Variants in YY1 observed in about 807,000 individuals in gnomAD.
The protein encoded by YY1 is transcriptional repressor protein YY1.
Under a neutral mutation model 35.6 loss-of-function variants are expected in YY1, and 2 were observed. The ratio of observed to expected loss-of-function variants is 0.06; its 90% confidence interval spans 0.02 to 0.18. The LOEUF (loss-of-function observed/expected upper bound fraction) is 0.18. YY1 is among the 10% of genes least tolerant of loss of function. The pLI is 1.00. For synonymous variants in YY1, 268 were observed against 238.9 expected, an observed-to-expected ratio of 1.12 and a Z score of -1.12; for missense variants, 322 against 573.4, an observed-to-expected ratio of 0.56 and a Z score of 4.48.
At chr14:100,256,437 T>C (rs1891007579) in intron 1 of YY1, among the ~76,000 whole-genome samples, 1 of 152,194 alleles carries the variant, frequency 6.6e-6, no homozygotes, top group African/African-American at 2.4e-5. Flanking sequence ...ATCTGATTAA[T>C]TATCTAGCCA....
intron 2 of YY1, among the ~76,000 whole-genome samples, chr14:100,271,262 T>A (rs12323522): frequency 0.6 from 91,053 of 151,956 alleles, 27,646 homozygotes; most frequent in South Asian, 0.79. Context: ...ATAAATAAAT[T>A]AATTAAATTA....
In YY1 at chr14:100,277,119, A is replaced by G; in HGVS notation, c.1063-299A>G. Reference sequence around the variant, plus strand: ...TTTGACAACTGACACCAGAACCCTTAATCATTTGTATTTTACTGTTGGAAA... The same window carrying G: ...TTTGACAACTGACACCAGAACCCTTGATCATTTGTATTTTACTGTTGGAAA... On this transcript the variant is annotated intron_variant, in intron 4 of 4. Transcript: ENST00000262238. This position sits in a 1 kb window ranked among gnomAD's most constrained non-coding sequence, Gnocchi z 5.6. 2.0e-6 allele frequency: 1 copy of G among 495,806 alleles called. No individual in the cohort carries two copies. The highest frequency in any genetic ancestry group is 3.7e-5 in the East Asian group (1 of 27,256). 30.7% of individuals were successfully genotyped at this position (495,806 alleles called of 1,614,324 possible). A position where few individuals can be genotyped will look rare whatever the true frequency, so the allele number is the denominator to read the frequency against.
chr14:100,254,107 A>G (rs1176613303), intron 1 of YY1, among the ~76,000 whole-genome samples: 1 of 152,144 alleles, frequency 6.6e-6, no homozygotes, highest in African/African-American at 2.4e-5. Flanking sequence ...AAGTGCTGGG[A>G]TTATAGGCGT....
At chr14:100,240,119 G>C (rs868598302) in intron 1 of YY1, among the ~76,000 whole-genome samples, 196 bp downstream of exon 1, 32 of 146,212 alleles carry the variant, frequency 2.2e-4, no homozygotes, top group Non-Finnish European at 4.0e-4. Context: ...CAGGCCGCGG[G>C]GGGGAGGGGC....
rs1301988481 is a variant in YY1, at chr14:100,239,628, G to A, written c.384G>A (p.Glu128=). The A allele has an allele frequency of 6.2e-6, 10 of 1,611,766 alleles. No homozygotes were observed. Among genetic ancestry groups the A allele is most frequent in the Admixed American group, 1.7e-5 (1 of 59,972 alleles). ...SDGLRAEDGF[E]DQILIPVPAP... is the part of the protein sequence containing the mutation. ...GGCTGCGCGCCGAGGACGGCTTCGA[G>A]GATCAGATTCTCATCCCGGTGCCCG... Residue 128 remains glutamate, a synonymous_variant, in exon 1 of 5, where the codon GAG becomes GAA. Transcript: ENST00000262238.
At chr14:100,275,274 A>G (rs1247975585) in intron 3 of YY1, among the ~76,000 whole-genome samples, 2 of 152,238 alleles carry the variant, frequency 1.3e-5, no homozygotes, top group Non-Finnish European at 2.9e-5. Flanking sequence ...TTAATTGGAT[A>G]TGAGACTAAC....
intron 2 of YY1, among the ~76,000 whole-genome samples, chr14:100,272,033 G>C (rs184763150): frequency 3.9e-5 from 6 of 152,110 alleles, no homozygotes; most frequent in African/African-American, 1.2e-4. Flanking sequence ...GGTTGGGAAG[G>C]GGGAGGACAC....
chr14:100,266,176 G>A (rs968444968), intron 2 of YY1, among the ~76,000 whole-genome samples: 6 of 151,980 alleles, frequency 3.9e-5, no homozygotes, highest in African/African-American at 9.7e-5. Context: ...ACCTCCCCCC[G>A]GGTCCCACCT....
chr14:100,251,668 T>C (rs1890926718), intron 1 of YY1, among the ~76,000 whole-genome samples: 1 of 152,220 alleles, frequency 6.6e-6, no homozygotes, highest in South Asian at 2.1e-4. Flanking sequence ...CACTACTCAA[T>C]TTCCCAGACA....
chr14:100,244,540 C>T (rs1890801848), intron 1 of YY1, among the ~76,000 whole-genome samples: 2 of 151,316 alleles, frequency 1.3e-5, no homozygotes, highest in Non-Finnish European at 3.0e-5. Flanking sequence ...ACCTCGGCCT[C>T]CCAAAGTGTT....
At chr14:100,259,509 G>C (rs1363177707) in intron 1 of YY1, among the ~76,000 whole-genome samples, 1 of 151,098 alleles carries the variant, frequency 6.6e-6, no homozygotes, top group African/African-American at 2.4e-5. Flanking sequence ...GACAGAGCGA[G>C]ACTCCGTCTC....
intron 2 of YY1, among the ~76,000 whole-genome samples, chr14:100,268,087 G>C (rs1891181037): frequency 1.3e-5 from 2 of 152,192 alleles, no homozygotes; most frequent in Non-Finnish European, 2.9e-5. Context: ...CATAGAACTT[G>C]TCCTGCTGGC....
intron 2 of YY1, among the ~76,000 whole-genome samples, chr14:100,267,639 TCAGCCTTCCGAGTAGCTGGGACTA>T (rs1185566862): frequency 2.0e-5 from 3 of 152,070 alleles, no homozygotes; most frequent in Non-Finnish European, 4.4e-5. Context: ...TTCTTCTGCC[TCAGCCTTCCGAGTAGCTGGGACTA>T]CAGGTGCCCG....
Position 100,262,473 on chromosome 14 carries a change from T to C in YY1, c.842+7T>C, listed in dbSNP as rs764039529. On this transcript the variant is annotated splice_region_variant and intron_variant, in intron 2 of 4. Coordinates refer to ENST00000262238, the MANE Select transcript of YY1 (RefSeq NM_003403.5). ...AACTGGCAGAATTTGCTAGGTAAGT[T>C]ATAAGAACTTTCCTTTCTTTTAATT... The C allele has an allele frequency of 6.2e-7, 1 of 1,613,870 alleles. No individual in the cohort carries two copies.
intron 1 of YY1, among the ~76,000 whole-genome samples, chr14:100,253,522 A>G (rs559515190): frequency 6.6e-6 from 1 of 151,786 alleles, no homozygotes; most frequent in South Asian, 2.1e-4. Flanking sequence ...GGTTCAAGCT[A>G]TTCTCCCACC....
At chr14:100,248,794 TCTC>T (rs1890876720) in intron 1 of YY1, among the ~76,000 whole-genome samples, 1 of 150,884 alleles carries the variant, frequency 6.6e-6, no homozygotes, top group South Asian at 2.1e-4. Context: ...TTCACACCAT[TCTC>T]CTTCCTCAGC....
rs551981689 is a variant in YY1 at position 100,278,228 on chromosome 14, G to A, written c.*628G>A. 3 of 153,276 alleles carry A rather than the reference G, an allele frequency of 2.0e-5. No homozygotes were observed. The highest frequency in any genetic ancestry group is 4.4e-5 in the Non-Finnish European group (3 of 68,642). 9.5% of individuals were successfully genotyped at this position (153,276 alleles called of 1,614,324 possible). Reference sequence around the variant, plus strand: ...TTTTGTATAATTGTATCGTATAGCTGTATTGAATCATGTAGTATCAAATAT... The same window carrying A: ...TTTTGTATAATTGTATCGTATAGCTATATTGAATCATGTAGTATCAAATAT... On this transcript the variant is annotated 3_prime_UTR_variant, in exon 5 of 5. Transcript: ENST00000262238.
intron 1 of YY1, among the ~76,000 whole-genome samples, chr14:100,259,412 C>CGG (rs1423786663): frequency 1.3e-5 from 2 of 151,942 alleles, no homozygotes; most frequent in Non-Finnish European, 2.9e-5. Flanking sequence ...CCCAGCTAAT[C>CGG]GGGAGGTGGA....
At chr14:100,271,856 C>T (rs114847804) in intron 2 of YY1, among the ~76,000 whole-genome samples, 7,386 of 152,138 alleles carry the variant, frequency 0.049, 204 homozygotes, top group African/African-American at 0.06. Context: ...CTTGCCCAGG[C>T]TGTTATACAG....
Sources: allele counts gnomAD v4.1 joint callset (sites outside exome capture counted in the v4.1 genomes callset), GRCh38; gene constraint gnomAD v4.1.1; non-coding constraint Gnocchi (gnomAD v3.1); transcripts MANE v1.5; gene names NCBI Gene and HGNC (gene_info 2026-07-23, HGNC 2026-07-21).